KHDRBS2: variants seen among roughly 807,000 people sequenced by gnomAD.
The protein encoded by KHDRBS2 is KH domain-containing, RNA-binding, signal transduction-associated protein 2.
A neutral mutation model predicts 44.3 loss-of-function variants in KHDRBS2; 26 were observed. That is an observed-to-expected ratio of 0.59 (90% CI 0.43 to 0.81). The LOEUF is 0.81. KHDRBS2 is among the 40% of genes least tolerant of loss of function. The pLI, the probability that KHDRBS2 is intolerant of heterozygous loss-of-function variation, is 0.00. For missense variants in KHDRBS2, 476 were observed against 433.1 expected (o/e 1.10, Z -0.88); for synonymous variants, 194 against 151.1 (o/e 1.28, Z -2.08).
chr6:62,083,956 C>T (rs993287104), intron 2 of KHDRBS2, among the ~76,000 whole-genome samples: 3 of 152,116 alleles, frequency 2.0e-5, no homozygotes, highest in African/African-American at 7.2e-5. Context: ...TGTAGAAATG[C>T]TATATGTAAT....
At chr6:61,738,526 A>G (rs1157024196) in intron 6 of KHDRBS2, among the ~76,000 whole-genome samples, 1 of 151,996 alleles carries the variant, frequency 6.6e-6, no homozygotes, top group East Asian at 1.9e-4. Flanking sequence ...AATATACTTA[A>G]GGCACAATGT....
intron 1 of KHDRBS2, among the ~76,000 whole-genome samples, chr6:62,188,644 T>C (rs1265174811): frequency 6.6e-6 from 1 of 151,966 alleles, no homozygotes; most frequent in Non-Finnish European, 1.5e-5. Flanking sequence ...TCAAGGAAAA[T>C]GAAACAACGT....
At position 62,107,448 on chromosome 6, in the gene KHDRBS2, A is replaced by G. The variant is rs1803713295; in HGVS notation, c.220-59454T>C. 2.0e-5 allele frequency among the ~76,000 whole-genome samples: 3 copies of G among 152,204 alleles called. No individual in the cohort carries two copies. The South Asian group carries it at 6.2e-4, about 31-fold the overall frequency. On this transcript the variant is annotated intron_variant, in intron 2 of 8. Coordinates refer to ENST00000281156, the MANE Select transcript of KHDRBS2 (RefSeq NM_152688.4). ...ACTGCTCAGTGAAATAAAAGAGGAT[A>G]CAAACAAACGAAAGAACATTCCATG...
At chr6:61,589,169 C>T in the KHDRBS2 span, among the ~76,000 whole-genome samples, 2 of 152,104 alleles carry the variant, frequency 1.3e-5, no homozygotes, top group East Asian at 3.9e-4. Flanking sequence ...TGCAGCAAAC[C>T]ACCATGGCAC....
At chr6:61,699,852 T>C (rs532221022) in intron 7 of KHDRBS2, among the ~76,000 whole-genome samples, 37 of 152,110 alleles carry the variant, frequency 2.4e-4, no homozygotes, top group African/African-American at 8.2e-4. Flanking sequence ...CTGCCCAACA[T>C]GTTTACATTC....
chr6:61,888,718 T>C (rs1171456738), intron 6 of KHDRBS2, among the ~76,000 whole-genome samples: 1 of 151,928 alleles, frequency 6.6e-6, no homozygotes, highest in Non-Finnish European at 1.5e-5. Flanking sequence ...CCCGCCACCA[T>C]GCCCAGCTAA....
At chr6:61,900,097 T>C (rs1803694901) in intron 5 of KHDRBS2, among the ~76,000 whole-genome samples, 1 of 152,024 alleles carries the variant, frequency 6.6e-6, no homozygotes, top group African/African-American at 2.4e-5. Flanking sequence ...CTAGAACACA[T>C]TCAGAAGTTT....
chr6:62,044,130 C>G (rs9454105), intron 3 of KHDRBS2, among the ~76,000 whole-genome samples: 13 of 151,910 alleles, frequency 8.6e-5, no homozygotes, highest in South Asian at 2.1e-4. Context: ...AAGTAAAGAT[C>G]GAGTTTAAGA....
chr6:61,856,916 G>GA (rs1490299590), intron 6 of KHDRBS2, among the ~76,000 whole-genome samples: 1 of 151,880 alleles, frequency 6.6e-6, no homozygotes. Flanking sequence ...AACATATTGG[G>GA]AAAAAAACAG....
At chr6:62,097,395 T>C (rs533586027) in intron 2 of KHDRBS2, among the ~76,000 whole-genome samples, 3 of 152,212 alleles carry the variant, frequency 2.0e-5, no homozygotes, top group South Asian at 2.1e-4. Context: ...ATTTGTTATA[T>C]ATACTTAGGT....
At chr6:61,565,437 G>C in the KHDRBS2 span, among the ~76,000 whole-genome samples, 3 of 151,964 alleles carry the variant, frequency 2.0e-5, no homozygotes, top group African/African-American at 7.2e-5. Flanking sequence ...ATAAAAACCA[G>C]GATATAAAAG....
At chr6:61,746,014 C>A (rs755826418) in intron 6 of KHDRBS2, among the ~76,000 whole-genome samples, 1 of 151,874 alleles carries the variant, frequency 6.6e-6, no homozygotes, top group African/African-American at 2.4e-5. Flanking sequence ...TAGTACTTAA[C>A]GTTTTTTTCC....
At chr6:62,069,177 C>G (rs533353064) in intron 2 of KHDRBS2, among the ~76,000 whole-genome samples, 2 of 151,564 alleles carry the variant, frequency 1.3e-5, no homozygotes, top group African/African-American at 4.8e-5. Flanking sequence ...AACCACTAAG[C>G]CTACTGTTGA....
At chr6:61,689,392 C>G (rs1305911981) in intron 8 of KHDRBS2, among the ~76,000 whole-genome samples, 3 of 151,930 alleles carry the variant, frequency 2.0e-5, no homozygotes, top group Non-Finnish European at 4.4e-5. Context: ...GCCAGCCGGT[C>G]AGAAGTAAGA....
chr6:62,188,973 C>A (rs540887014), intron 1 of KHDRBS2, among the ~76,000 whole-genome samples: 16 of 151,946 alleles, frequency 1.1e-4, no homozygotes, highest in Non-Finnish European at 1.9e-4. Flanking sequence ...AGATTAGCCA[C>A]GTGTGGTGGC....
chr6:61,938,985 G>T (rs1003167640), intron 4 of KHDRBS2, among the ~76,000 whole-genome samples: 5 of 151,962 alleles, frequency 3.3e-5, no homozygotes, highest in African/African-American at 9.7e-5. Flanking sequence ...GAGGCTATTT[G>T]CCTCTTTAGA....
At chr6:61,836,753 A>AAATTCAAGATAG (rs2308198) in intron 6 of KHDRBS2, among the ~76,000 whole-genome samples, 1 of 151,466 alleles carries the variant, frequency 6.6e-6, no homozygotes, top group Non-Finnish European at 1.5e-5. Flanking sequence ...TATTAGGTAG[A>AAATTCAAGATAG]AATATACACA....
the KHDRBS2 span, among the ~76,000 whole-genome samples, chr6:61,635,043 T>C: frequency 6.6e-6 from 1 of 152,072 alleles, no homozygotes; most frequent in South Asian, 2.1e-4. Context: ...AAAATTCCTG[T>C]GCTTGAGATG....
At chr6:62,250,537 G>T (rs1409155264) in intron 1 of KHDRBS2, among the ~76,000 whole-genome samples, 3 of 151,804 alleles carry the variant, frequency 2.0e-5, no homozygotes, top group Non-Finnish European at 4.4e-5. Flanking sequence ...GAGGGAGGGA[G>T]GAAGGCAGGA....
Sources: allele counts gnomAD v4.1 joint callset (sites outside exome capture counted in the v4.1 genomes callset), GRCh38; gene constraint gnomAD v4.1.1; transcripts MANE v1.5; gene names NCBI Gene and HGNC (gene_info 2026-07-23, HGNC 2026-07-21).